The following SNRK variants were observed in gnomAD, a reference collection of about 807,000 sequenced individuals.
SNRK encodes SNF-related serine/threonine-protein kinase.
Under a neutral mutation model 48.2 loss-of-function variants are expected in SNRK, and 3 were observed. The observed-to-expected ratio is 0.06, with a 90% CI of 0.03 to 0.16. The LOEUF (loss-of-function observed/expected upper bound fraction) is 0.16. Ranked by LOEUF, SNRK falls within the 10% of genes least tolerant of loss-of-function variation. The pLI is 1.00. For synonymous variants in SNRK, 376 were observed against 366.1 expected (o/e 1.03, Z -0.31); for missense variants, 627 against 976.0 (o/e 0.64, Z 4.76).
chr3:43,328,182 C>G (rs774048968), intron 3 of SNRK, among the ~76,000 whole-genome samples: 6 of 151,986 alleles, frequency 3.9e-5, no homozygotes, highest in Non-Finnish European at 8.8e-5. Context: ...ATAAGGTCCC[C>G]TGTACATTTC....
At chr3:43,345,837 T>C (rs753383094) in intron 6 of SNRK, among the ~76,000 whole-genome samples, 10 of 152,218 alleles carry the variant, frequency 6.6e-5, no homozygotes, top group Non-Finnish European at 1.3e-4. Flanking sequence ...CTGTTTCAGA[T>C]ATAGTAGCAC....
intron 1 of SNRK, among the ~76,000 whole-genome samples, chr3:43,298,661 G>A (rs73831244): frequency 0.025 from 3,805 of 152,266 alleles, 163 homozygotes; most frequent in African/African-American, 0.085. Flanking sequence ...AGTGTATAGT[G>A]TAAATTATCA....
chr3:43,328,117 G>A (rs1428740686), intron 3 of SNRK, among the ~76,000 whole-genome samples: 3 of 152,050 alleles, frequency 2.0e-5, no homozygotes, highest in East Asian at 1.9e-4. Context: ...TTGTTAACCC[G>A]TGGATCTTTA....
intron 6 of SNRK, among the ~76,000 whole-genome samples, chr3:43,345,999 C>T (rs1487125571): frequency 9.9e-5 from 15 of 152,160 alleles, no homozygotes; most frequent in South Asian, 2.1e-4. Context: ...CTGCAGACTC[C>T]GGAGACTCTT....
At chr3:43,328,884 C>T (rs1365282730) in intron 3 of SNRK, among the ~76,000 whole-genome samples, 1 of 152,156 alleles carries the variant, frequency 6.6e-6, no homozygotes, top group Admixed American at 6.5e-5. Flanking sequence ...TCTCTGTCTG[C>T]TATGCCAAGA....
At chr3:43,343,184 T>C in intron 5 of SNRK, 160 bp from the exon 6 acceptor site, 1 of 828,100 alleles carries the variant, frequency 1.2e-6, no homozygotes, top group South Asian at 2.5e-5. Flanking sequence ...GTGACCTAAA[T>C]AACTACTAGT....
chr3:43,289,384 T>C (rs1226870839), intron 1 of SNRK, among the ~76,000 whole-genome samples: 1 of 152,198 alleles, frequency 6.6e-6, no homozygotes, highest in Non-Finnish European at 1.5e-5. Flanking sequence ...AATGCAACTG[T>C]TCTTTCCTTA....
chr3:43,305,575 T>G (rs2090931319), intron 3 of SNRK, among the ~76,000 whole-genome samples: 1 of 151,134 alleles, frequency 6.6e-6, no homozygotes, highest in African/African-American at 2.4e-5. Flanking sequence ...CTCTGCCTCC[T>G]GGGTTCACAC....
At position 43,332,319 on chromosome 3, in the gene SNRK, AAC is replaced by A; in HGVS notation, c.731+11_731+12del. 1.4e-6 allele frequency: 2 copies of A among 1,405,642 alleles called. No individual in the cohort carries two copies. The highest frequency in any genetic ancestry group is 1.9e-6 in the Non-Finnish European group (2 of 1,067,758). The allele number at this position is 1,405,642 out of a possible 1,614,324, so 87.1% of individuals were successfully genotyped here. A position where few individuals can be genotyped will look rare whatever the true frequency, so the allele number is the denominator to read the frequency against. On this transcript the variant is annotated intron_variant, in intron 4 of 6. Transcript: ENST00000296088. ...TCTAAAGAGTGTAAAGAGTAAGTAA[AAC>A]AAAGTATGTGGAAACCTTAAGGACT...
chr3:43,330,898 A>G (rs1056285933), intron 3 of SNRK, among the ~76,000 whole-genome samples: 1 of 152,210 alleles, frequency 6.6e-6, no homozygotes, highest in Non-Finnish European at 1.5e-5. Context: ...TTTCCATCAG[A>G]GTATCCTTAG....
At chr3:43,326,213 C>G (rs1351443227) in intron 3 of SNRK, among the ~76,000 whole-genome samples, 1 of 152,050 alleles carries the variant, frequency 6.6e-6, no homozygotes, top group Non-Finnish European at 1.5e-5. Context: ...CTTATCTTCC[C>G]TGATTTATCC....
intron 1 of SNRK, among the ~76,000 whole-genome samples, chr3:43,287,423 TG>T (rs1214994018): frequency 6.6e-6 from 1 of 152,204 alleles, no homozygotes; most frequent in Non-Finnish European, 1.5e-5. Flanking sequence ...CTGTGCTATT[TG>T]TAACTGTTGG....
intron 3 of SNRK, among the ~76,000 whole-genome samples, chr3:43,327,367 G>A (rs987099977): frequency 2.6e-5 from 4 of 152,334 alleles, no homozygotes; most frequent in South Asian, 2.1e-4. Flanking sequence ...TCTTGTGACC[G>A]TAGTTGGAAC....
chr3:43,333,183 T>TA lies in SNRK; in HGVS notation c.731+874dup, dbSNP rs1401186012. On this transcript the variant is annotated intron_variant, in intron 4 of 6. Coordinates refer to ENST00000296088, the MANE Select transcript of SNRK (RefSeq NM_017719.5). ...TCAGGAGATCGAGACCATCCTGACT[T>TA]ACATGGTGAAACCCCGTCTCTACTA... The TA allele has an allele frequency of 2.0e-5, 3 of 151,646 alleles. No homozygotes were observed. The East Asian group carries it at 5.8e-4, about 30-fold the overall frequency. 9.4% of individuals were successfully genotyped at this position (151,646 alleles called of 1,614,324 possible). A position where few individuals can be genotyped will look rare whatever the true frequency, so the allele number is the denominator to read the frequency against.
At chr3:43,304,810 C>A (rs1230080224) in intron 3 of SNRK, among the ~76,000 whole-genome samples, 1 of 151,974 alleles carries the variant, frequency 6.6e-6, no homozygotes, top group Admixed American at 6.6e-5. Context: ...ACTCTGTACA[C>A]CAAGACACTG....
chr3:43,300,615 C>CA (rs2090891430), intron 2 of SNRK, among the ~76,000 whole-genome samples: 1 of 149,318 alleles, frequency 6.7e-6, no homozygotes, highest in Non-Finnish European at 1.5e-5. Flanking sequence ...CCTGCCCCCC[C>CA]CCCAGAGTTT....
chr3:43,348,271 G>T lies in SNRK; in HGVS notation c.2012G>T (p.Gly671Val). 1 of 1,614,120 alleles carries T rather than the reference G, an allele frequency of 6.2e-7. No individual in the cohort carries two copies. Among genetic ancestry groups the T allele is most frequent in the South Asian group, 1.1e-5 (1 of 91,064 alleles). Residue 671 changes from glycine to valine, a missense_variant, in exon 7 of 7, where the codon GGC becomes GTC. By Grantham distance (109) the Gly-to-Val change is moderately radical. This residue lies in a region of SNRK where 207 missense variants were observed against 234.3 expected (regional missense o/e 0.88). Coordinates refer to ENST00000296088, the MANE Select transcript of SNRK (RefSeq NM_017719.5). ...AAGTACATTATTGATCCACAGAATG[G>T]CTTGTCATTTTCCAGTGTGAAAGTC... ...STKYIIDPQN[G>V]LSFSSVKVQE...
intron 3 of SNRK, among the ~76,000 whole-genome samples, chr3:43,304,566 G>A (rs1422246903): frequency 6.6e-6 from 1 of 152,194 alleles, no homozygotes; most frequent in East Asian, 1.9e-4. Flanking sequence ...CCTTGGGATT[G>A]TATTTGTTTT....
Position 43,347,786 on chromosome 3 carries a change from G to A in SNRK, c.1527G>A (p.Leu509=). 1 of 1,614,178 alleles carries A rather than the reference G, an allele frequency of 6.2e-7. No individual in the cohort carries two copies. The highest frequency in any genetic ancestry group is 8.5e-7 in the Non-Finnish European group (1 of 1,180,042). The change falls in exon 7 of 7, where the codon TTG becomes TTA. Residue 509 remains leucine (L), a synonymous_variant. Coordinates refer to ENST00000296088, the MANE Select transcript of SNRK (RefSeq NM_017719.5). This position sits in a 1 kb window ranked among gnomAD's most constrained non-coding sequence, Gnocchi z 5.4. ...TGGATGAGAATCTGCCTCCCAAGTTGAGCAGGTTAAAGATGAATATAGCTT... is the reference window on the plus strand; with the variant it reads ...TGGATGAGAATCTGCCTCCCAAGTTAAGCAGGTTAAAGATGAATATAGCTT... The part of the protein sequence containing the change: ...FDMDENLPPK[L]SRLKMNIASP...
Sources: gnomAD v4.1 joint callset for allele counts (sites outside exome capture counted in the v4.1 genomes callset) on GRCh38, gnomAD v4.1.1 for gene constraint, gnomAD v4.1.1 regional missense constraint, Gnocchi (gnomAD v3.1) non-coding constraint, MANE v1.5 for transcripts, NCBI Gene and HGNC (gene_info 2026-07-23, HGNC 2026-07-21) for gene names.